The following MBD2 variants were observed in gnomAD, a reference collection of about 807,000 sequenced individuals.
The protein encoded by MBD2 is methyl-CpG-binding domain protein 2.
Under a neutral mutation model 39.3 loss-of-function variants are expected in MBD2, and 9 were observed. The observed-to-expected ratio is 0.23, with a 90% confidence interval of 0.14 to 0.40. The LOEUF (loss-of-function observed/expected upper bound fraction) is 0.40, where lower values mean the gene tolerates loss of function less well. Ranked by LOEUF, MBD2 falls within the 10% of genes least tolerant of loss-of-function variation. The pLI, the probability that MBD2 is intolerant of heterozygous loss-of-function variation, is 1.00. For synonymous variants in MBD2, 233 were observed against 211.1 expected (o/e 1.10, Z -0.90); for missense variants, 458 against 532.6 (o/e 0.86, Z 1.38).
chr18:54,203,178 A>G, intron 2 of MBD2: 1 of 1,582,154 alleles, frequency 6.3e-7, no homozygotes, highest in East Asian at 2.2e-5. Flanking sequence ...GTGTCAGAAA[A>G]TAAATCTGCA....
intron 3 of MBD2, among the ~76,000 whole-genome samples, chr18:54,176,275 C>T (rs979825393): frequency 2.6e-5 from 4 of 152,254 alleles, no homozygotes; most frequent in African/African-American, 4.8e-5. Flanking sequence ...AGTACTTAAA[C>T]TCTTTGCATA....
chr18:54,187,495 T>A (rs1232222454), intron 3 of MBD2, among the ~76,000 whole-genome samples: 1 of 152,206 alleles, frequency 6.6e-6, no homozygotes, highest in African/African-American at 2.4e-5. Flanking sequence ...AACGGCTTTA[T>A]CAAGGTGGGC....
At chr18:54,191,046 TA>T (rs1284539885) in intron 2 of MBD2, among the ~76,000 whole-genome samples, 14 of 152,322 alleles carry the variant, frequency 9.2e-5, no homozygotes, top group African/African-American at 3.4e-4. Flanking sequence ...ATACGTCTGA[TA>T]TATTTTTGAT....
At chr18:54,204,136 T>C (rs1274409800) in intron 2 of MBD2, among the ~76,000 whole-genome samples, 1 of 152,304 alleles carries the variant, frequency 6.6e-6, no homozygotes, top group South Asian at 2.1e-4. Flanking sequence ...TGGGGTTACA[T>C]CAGTCACATC....
chr18:54,211,154 A>T (rs2086502862), intron 1 of MBD2, among the ~76,000 whole-genome samples: 1 of 151,964 alleles, frequency 6.6e-6, no homozygotes, highest in Non-Finnish European at 1.5e-5. Flanking sequence ...TACAGACGTG[A>T]GCCACCGCGC....
chr18:54,211,941 C>T (rs974021186), intron 1 of MBD2, among the ~76,000 whole-genome samples: 2 of 151,990 alleles, frequency 1.3e-5, no homozygotes, highest in South Asian at 2.1e-4. Flanking sequence ...CTGCAACCTC[C>T]GTCTCCTGCC....
intron 2 of MBD2, among the ~76,000 whole-genome samples, chr18:54,190,164 A>C (rs1469263609): frequency 6.6e-6 from 1 of 152,154 alleles, no homozygotes. Context: ...ATTTAGAAAA[A>C]TGTGATAAGG....
intron 5 of MBD2, among the ~76,000 whole-genome samples, chr18:54,160,521 T>C (rs543783730): frequency 6.6e-6 from 1 of 151,498 alleles, no homozygotes; most frequent in Admixed American, 6.6e-5. Context: ...ATGCCATGAG[T>C]TTCTCTGTGT....
rs1449290905 is a variant in MBD2, at chr18:54,224,299, T to G, written c.261A>C (p.Gly87=). The G allele has an allele frequency of 1.8e-4, 172 of 931,446 alleles. No individual in the cohort carries two copies. The South Asian group carries it at 2.0e-3, about 11-fold the overall frequency. 57.7% of individuals were successfully genotyped at this position (931,446 alleles called of 1,614,324 possible). A position where few individuals can be genotyped will look rare whatever the true frequency, so the allele number is the denominator to read the frequency against. ...GRGRGRGRGR[G]RGRGRGRGRP... ...GGCCGCGGCCCCGGCCCCGGCCCCG[T>G]CCCCGTCCCCGGCCACGGCCCCGGC... Residue 87 remains glycine, a synonymous_variant, in exon 1 of 7, where the codon GGA becomes GGC. Transcript: ENST00000256429.
At chr18:54,210,778 TA>T in intron 1 of MBD2, among the ~76,000 whole-genome samples, 1 of 152,268 alleles carries the variant, frequency 6.6e-6, no homozygotes, top group Non-Finnish European at 1.5e-5. Context: ...GGAAATACTT[TA>T]TGGGGAATAA....
intron 1 of MBD2, among the ~76,000 whole-genome samples, chr18:54,213,196 T>C (rs971364815): frequency 6.6e-6 from 1 of 152,114 alleles, no homozygotes; most frequent in Non-Finnish European, 1.5e-5. Context: ...CCCTGGCCAC[T>C]GACCGTGGCC....
rs768694912 is a variant in MBD2 at position 54,164,549 on chromosome 18, A to C, written c.1083T>G (p.Ala361=). The change falls in exon 5 of 7, where the codon GCT becomes GCG. Residue 361 remains alanine (A), a synonymous_variant. Transcript: ENST00000256429. ...TGATGTCTTCATCTGTGACAATAAA[A>C]GCTTTGCAGAGGGGTTGAGATGTGT... ...WLNTSQPLCK[A]FIVTDEDIRK... 6 of 1,613,464 alleles carry C rather than the reference A, an allele frequency of 3.7e-6. No homozygotes were observed. In the Admixed American group the frequency reaches 1.0e-4, roughly 27 times the overall value.
chr18:54,209,725 T>G (rs1333040626), intron 1 of MBD2, among the ~76,000 whole-genome samples: 1 of 152,208 alleles, frequency 6.6e-6, no homozygotes, highest in Non-Finnish European at 1.5e-5. Flanking sequence ...AGGGAATGAT[T>G]AAGTAGGAAT....
chr18:54,202,993 A>C (rs1240001366), intron 2 of MBD2: 2 of 1,042,316 alleles, frequency 1.9e-6, no homozygotes, highest in Non-Finnish European at 3.0e-6. Context: ...GGAGTTCACC[A>C]GATGAAGGGG....
chr18:54,175,101 T>G (rs552573356), intron 3 of MBD2, among the ~76,000 whole-genome samples: 15 of 152,384 alleles, frequency 9.8e-5, no homozygotes, highest in African/African-American at 3.6e-4. Context: ...TTAGCTCTCA[T>G]GTATTGTCTT....
At chr18:54,187,187 A>C (rs1256679489) in intron 3 of MBD2, among the ~76,000 whole-genome samples, 1 of 152,232 alleles carries the variant, frequency 6.6e-6, no homozygotes, top group African/African-American at 2.4e-5. Flanking sequence ...TTGGGTTTAC[A>C]GACTACATTG....
intron 1 of MBD2, among the ~76,000 whole-genome samples, chr18:54,207,176 C>T (rs555990091): frequency 6.6e-6 from 1 of 152,264 alleles, no homozygotes; most frequent in East Asian, 1.9e-4. Context: ...TCTTTTCCCA[C>T]CAGCTTTGGT....
At chr18:54,171,034 T>A (rs1473384149) in intron 3 of MBD2, among the ~76,000 whole-genome samples, 2 of 152,184 alleles carry the variant, frequency 1.3e-5, no homozygotes, top group Non-Finnish European at 2.9e-5. Context: ...AGTTTTATTT[T>A]TTTTTTTACA....
chr18:54,223,990 CA>C, intron 1 of MBD2, 27 bp downstream of exon 1: 1 of 1,505,526 alleles, frequency 6.6e-7, no homozygotes, highest in Non-Finnish European at 9.1e-7. Context: ...CTGACCCCGC[CA>C]CCCCCTCCCC....
Sources: gnomAD v4.1 joint callset for allele counts (sites outside exome capture counted in the v4.1 genomes callset) on GRCh38, gnomAD v4.1.1 for gene constraint, MANE v1.5 for transcripts, NCBI Gene and HGNC (gene_info 2026-07-23, HGNC 2026-07-21) for gene names.